The following TRMT9B variants were observed in gnomAD, a reference collection of about 807,000 sequenced individuals.
TRMT9B encodes probable tRNA methyltransferase 9B.
Under a neutral mutation model 11.5 loss-of-function variants are expected in TRMT9B, and 16 were observed. The observed-to-expected ratio is 1.39, with a 90% CI of 0.94 to 2.11. The LOEUF is 2.11. Among genes scored for constraint, TRMT9B ranks in the 30% most tolerant of loss-of-function variants. TRMT9B has a pLI of 0.00. For missense variants in TRMT9B, 941 were observed against 553.8 expected (o/e 1.70, Z -7.02); for synonymous variants, 274 against 192.4 (o/e 1.42, Z -3.51).
Position 13,023,143 on chromosome 8 carries a change from G to A in TRMT9B, c.*1099G>A, listed in dbSNP as rs1814221593. ...ATTACTATTGCTTATTAGCAAGATT[G>A]TTATCAATCATGCTTATTAGAAGGA... On this transcript the variant is annotated 3_prime_UTR_variant, in exon 5 of 5. Transcript: ENST00000524591. 1 of 167,088 alleles carries A rather than the reference G, an allele frequency of 6.0e-6. No individual in the cohort carries two copies. The highest frequency in any genetic ancestry group is 1.5e-5 in the Non-Finnish European group (1 of 68,122). 10.4% of individuals were successfully genotyped at this position (167,088 alleles called of 1,614,324 possible). A position where few individuals can be genotyped will look rare whatever the true frequency, so the allele number is the denominator to read the frequency against.
intron 1 of TRMT9B, among the ~76,000 whole-genome samples, chr8:12,985,165 C>G (rs939783833): frequency 1.3e-5 from 2 of 152,142 alleles, no homozygotes; most frequent in Admixed American, 1.3e-4. Flanking sequence ...AGATAAACGC[C>G]CCTCACGTTG....
intron 1 of TRMT9B, among the ~76,000 whole-genome samples, chr8:12,970,825 G>C (rs1294636511): frequency 6.6e-6 from 1 of 152,162 alleles, no homozygotes; most frequent in Admixed American, 6.5e-5. Flanking sequence ...AGGGTAACAC[G>C]TTTGGGAACT....
intron 3 of TRMT9B, among the ~76,000 whole-genome samples, chr8:13,009,000 T>C (rs2128892458): frequency 6.6e-6 from 1 of 152,286 alleles, no homozygotes; most frequent in South Asian, 2.1e-4. Flanking sequence ...AGTGCTGGGA[T>C]TACAGGCGTG....
At chr8:13,012,990 G>T (rs868648812) in intron 4 of TRMT9B, 133 bp downstream of exon 4, 1 of 1,159,346 alleles carries the variant, frequency 8.6e-7, no homozygotes, top group Non-Finnish European at 1.1e-6. Flanking sequence ...TAAAAAAATT[G>T]TTTCAACTAC....
intron 1 of TRMT9B, chr8:12,952,640 A>C (rs1585053415): frequency 1.0e-6 from 1 of 977,740 alleles, no homozygotes. Flanking sequence ...AGATAACTTG[A>C]AGCCAGAAAG....
At chr8:12,993,282 A>G (rs1807707222) in intron 2 of TRMT9B, among the ~76,000 whole-genome samples, 1 of 152,234 alleles carries the variant, frequency 6.6e-6, no homozygotes, top group African/African-American at 2.4e-5. Context: ...GAGGTTGTAT[A>G]GAAAAATTAA....
At chr8:13,014,505 C>G (rs1812253869) in intron 4 of TRMT9B, among the ~76,000 whole-genome samples, 1 of 152,056 alleles carries the variant, frequency 6.6e-6, no homozygotes, top group African/African-American at 2.4e-5. Context: ...AGCAAGCTCT[C>G]TGGTCTCTTC....
intron 3 of TRMT9B, chr8:13,006,705 G>A: frequency 2.4e-6 from 3 of 1,272,102 alleles, no homozygotes; most frequent in Non-Finnish European, 3.0e-6. Flanking sequence ...TTTCACTCTT[G>A]TCAACCAGAT....
At chr8:12,952,123 C>T (rs2977088) in intron 1 of TRMT9B, 2 of 443,526 alleles carry the variant, frequency 4.5e-6, no homozygotes, top group South Asian at 3.2e-5. Context: ...GCAGCTTTTG[C>T]CCCTGGCTGC....
rs1053538044 is a variant in TRMT9B, at chr8:13,022,520, A to G, written c.*476A>G. ...CCATTGCACAGATATACTTTGAACCATGTGATGAGTTATCTTGTTGCCAAG... is the reference window on the plus strand; with the variant it reads ...CCATTGCACAGATATACTTTGAACCGTGTGATGAGTTATCTTGTTGCCAAG... On this transcript the variant is annotated 3_prime_UTR_variant, in exon 5 of 5. Coordinates refer to ENST00000524591, the MANE Select transcript of TRMT9B (RefSeq NM_020844.3). 1.2e-5 allele frequency: 2 copies of G among 167,492 alleles called. No homozygotes were observed. The highest frequency in any genetic ancestry group is 4.8e-5 in the African/African-American group (2 of 41,490). The allele number at this position is 167,492 out of a possible 1,614,324, so 10.4% of individuals were successfully genotyped here. A position where few individuals can be genotyped will look rare whatever the true frequency, so the allele number is the denominator to read the frequency against.
intron 3 of TRMT9B, among the ~76,000 whole-genome samples, chr8:13,008,628 G>C (rs1292891082): frequency 6.6e-6 from 1 of 152,152 alleles, no homozygotes; most frequent in Non-Finnish European, 1.5e-5. Context: ...AAATGGAAAA[G>C]TTCCACAAGA....
intron 1 of TRMT9B, among the ~76,000 whole-genome samples, chr8:12,989,212 T>G (rs887028998): frequency 6.6e-6 from 1 of 152,212 alleles, no homozygotes; most frequent in African/African-American, 2.4e-5. Flanking sequence ...GATGGCCTCC[T>G]GTTTAGTCAA....
intron 1 of TRMT9B, among the ~76,000 whole-genome samples, chr8:12,989,869 A>G (rs570708238): frequency 2.6e-5 from 4 of 152,232 alleles, no homozygotes; most frequent in African/African-American, 7.2e-5. Flanking sequence ...GTGGCTCTCA[A>G]TGGCACAGAT....
chr8:13,016,966 A>G (rs1273299630), intron 4 of TRMT9B, among the ~76,000 whole-genome samples: 1 of 151,380 alleles, frequency 6.6e-6, no homozygotes, highest in Admixed American at 6.6e-5. Context: ...CTGTACTAAA[A>G]ATAGAAACTT....
rs996153880 is a variant in TRMT9B at position 13,027,691 on chromosome 8, A to G, written c.*5647A>G. ...TTGGATTTCAAATGCCATAATTGTA[A>G]TCTTTCTCCAAAGAAAAATGCACGA... On this transcript the variant is annotated 3_prime_UTR_variant, in exon 5 of 5. Coordinates refer to ENST00000524591, the MANE Select transcript of TRMT9B (RefSeq NM_020844.3). The G allele has an allele frequency of 2.4e-5, 4 of 167,066 alleles. No homozygotes were observed. Among genetic ancestry groups the G allele is most frequent in the African/African-American group, 9.7e-5 (4 of 41,436 alleles). The allele number at this position is 167,066 out of a possible 1,614,324, so 10.3% of individuals were successfully genotyped here. A position where few individuals can be genotyped will look rare whatever the true frequency, so the allele number is the denominator to read the frequency against.
Position 13,024,948 on chromosome 8 carries a change from C to G in TRMT9B, c.*2904C>G, listed in dbSNP as rs1814512401. The G allele has an allele frequency of 6.0e-6, 1 of 166,970 alleles. No individual in the cohort carries two copies. The highest frequency in any genetic ancestry group is 2.4e-5 in the African/African-American group (1 of 41,396). The allele number at this position is 166,970 out of a possible 1,614,324, so 10.3% of individuals were successfully genotyped here. ...TGAAGAGCAAAACTAATGTAAACGT[C>G]TTGATCATTTAAAAAGCTTGCTTGT... is the stretch of plus-strand genomic sequence containing the variant. On this transcript the variant is annotated 3_prime_UTR_variant, in exon 5 of 5. Coordinates refer to ENST00000524591, the MANE Select transcript of TRMT9B (RefSeq NM_020844.3).
At chr8:12,980,946 G>A (rs1026879702) in intron 1 of TRMT9B, among the ~76,000 whole-genome samples, 1 of 151,714 alleles carries the variant, frequency 6.6e-6, no homozygotes, top group Non-Finnish European at 1.5e-5. Context: ...TTGTTTGTTT[G>A]TGTTTCTTTG....
Position 13,025,888 on chromosome 8 carries a change from ATTCAATAGGCAAAAATTT to A in TRMT9B, c.*3845_*3862del, listed in dbSNP as rs1331710201. On this transcript the variant is annotated 3_prime_UTR_variant, in exon 5 of 5. Coordinates refer to ENST00000524591, the MANE Select transcript of TRMT9B (RefSeq NM_020844.3). ...TCCTCTGTCTTTTAAGTGACCATCAATTCAATAGGCAAAAATTTGGAGTAATCCAGAGAAAAAACCATC... is the reference window on the plus strand; with the variant it reads ...TCCTCTGTCTTTTAAGTGACCATCAAGGAGTAATCCAGAGAAAAAACCATC... 1.8e-5 allele frequency: 3 copies of A among 166,808 alleles called. No homozygotes were observed. The highest frequency in any genetic ancestry group is 7.2e-5 in the African/African-American group (3 of 41,444). 10.3% of individuals were successfully genotyped at this position (166,808 alleles called of 1,614,324 possible).
At chr8:12,948,042 A>G (rs942874832) in intron 1 of TRMT9B, among the ~76,000 whole-genome samples, 4 of 152,224 alleles carry the variant, frequency 2.6e-5, no homozygotes, top group African/African-American at 9.6e-5. Context: ...AATATTATAT[A>G]GTACTGTTGC....
Sources: allele counts gnomAD v4.1 joint callset (sites outside exome capture counted in the v4.1 genomes callset), GRCh38; gene constraint gnomAD v4.1.1; transcripts MANE v1.5; gene names NCBI Gene and HGNC (gene_info 2026-07-23, HGNC 2026-07-21).